ADAR: variants seen among roughly 807,000 people sequenced by gnomAD.
ADAR encodes the protein double-stranded RNA-specific adenosine deaminase.
A neutral mutation model predicts 113.2 loss-of-function variants in ADAR; 41 were observed. That is an observed-to-expected ratio of 0.36 (90% confidence interval 0.28 to 0.47). The LOEUF (loss-of-function observed/expected upper bound fraction) is 0.47, where lower values mean the gene tolerates loss of function less well. Ranked by LOEUF, ADAR falls within the 20% of genes least tolerant of loss-of-function variation. The probability of loss-of-function intolerance (pLI) is 1.00; values close to 1 mark genes in which losing one functional copy is unlikely to be tolerated. For synonymous variants in ADAR, 605 were observed against 572.6 expected (o/e 1.06, Z -0.81); for missense variants, 1,242 against 1,540.9 (o/e 0.81, Z 3.25).
At chr1:154,619,092 AGAGT>A (rs1268320893) in intron 1 of ADAR, among the ~76,000 whole-genome samples, 1 of 152,182 alleles carries the variant, frequency 6.6e-6, no homozygotes, top group Non-Finnish European at 1.5e-5. Flanking sequence ...CCTGGGCAAC[AGAGT>A]GAGACTCCAT....
chr1:154,593,117 AGAGT>A (rs1452413427), intron 6 of ADAR, among the ~76,000 whole-genome samples: 3 of 118,208 alleles, frequency 2.5e-5, no homozygotes, highest in Non-Finnish European at 3.3e-5. Context: ...CCTGGGTGAC[AGAGT>A]GAGACTCCAT....
chr1:154,627,830 A>G (rs758254972), intron 1 of ADAR: 30 of 516,878 alleles, frequency 5.8e-5, no homozygotes, highest in Non-Finnish European at 1.0e-4. Flanking sequence ...AGGCAGGTGT[A>G]GCCGAGAAGG....
In ADAR at chr1:154,597,821, G is replaced by A. The variant is rs370700588; in HGVS notation, c.1934+7C>T. ...CCTCAGCTGGACAGAGGACACGTAG[G>A]ACATACTTGGGTTCATGGGCAGGGC... On this transcript the variant is annotated splice_region_variant and intron_variant, in intron 4 of 14. Coordinates refer to ENST00000368474, the MANE Select transcript of ADAR (RefSeq NM_001111.5). 1.9e-6 allele frequency: 3 copies of A among 1,614,006 alleles called. No individual in the cohort carries two copies. The African/African-American group carries it at 4.0e-5, about 22-fold the overall frequency.
intron 11 of ADAR, among the ~76,000 whole-genome samples, chr1:154,587,111 CCTT>C (rs933644190): frequency 3.9e-5 from 6 of 152,192 alleles, no homozygotes; most frequent in Non-Finnish European, 5.9e-5. Context: ...CAAAAAGAAA[CCTT>C]CTACCCATTG....
chr1:154,592,659 A>T (rs1697222722), intron 6 of ADAR, among the ~76,000 whole-genome samples: 1 of 152,144 alleles, frequency 6.6e-6, no homozygotes, highest in Non-Finnish European at 1.5e-5. Context: ...GACTTGAGCC[A>T]CTGGGTAGAC....
rs1064796761 is a variant in ADAR at position 154,584,910 on chromosome 1, C to T, written c.3577G>A (p.Glu1193Lys). ...GEAKKAARDY[E>K]TAKNYFKKGL... is the part of the protein sequence containing the mutation. ...TTTTTGAAGTAGTTCTTGGCCGTCT[C>T]GTAGTCACGGGCAGCTTTCTTGGCC... is the stretch of plus-strand genomic sequence containing the variant. The change falls in exon 15 of 15, where the codon GAG (glutamate) becomes AAG (lysine). Residue 1193 changes from glutamate to lysine, a missense_variant. Glu to Lys is a moderately conservative substitution (Grantham distance 56). This residue lies in a region of ADAR where 780 missense variants were observed against 1,057.9 expected (regional missense o/e 0.74). Transcript: ENST00000368474. The T allele has an allele frequency of 6.2e-7, 1 of 1,614,164 alleles. No homozygotes were observed. Among genetic ancestry groups the T allele is most frequent in the Non-Finnish European group, 8.5e-7 (1 of 1,180,038 alleles).
At chr1:154,586,121 G>A in intron 12 of ADAR, 60 bp downstream of exon 12, 1 of 1,600,256 alleles carries the variant, frequency 6.2e-7, no homozygotes, top group Non-Finnish European at 8.6e-7. Context: ...AAAGCATGCA[G>A]TTTGGGATCT....
intron 1 of ADAR, among the ~76,000 whole-genome samples, chr1:154,606,987 G>T (rs1038038260): frequency 6.7e-6 from 1 of 150,322 alleles, no homozygotes. Context: ...ATATAATTTA[G>T]ATACAGTAAA....
intron 1 of ADAR, among the ~76,000 whole-genome samples, chr1:154,615,823 A>G (rs1698619671): frequency 6.6e-6 from 1 of 152,192 alleles, no homozygotes; most frequent in Non-Finnish European, 1.5e-5. Context: ...CCATTAATTT[A>G]TATTTTTAAA....
At chr1:154,590,154 A>AG in intron 7 of ADAR, 30 bp downstream of exon 7, 1 of 897,036 alleles carries the variant, frequency 1.1e-6, no homozygotes, top group Non-Finnish European at 1.7e-6. Flanking sequence ...CCCCCGCCCC[A>AG]AAAAAGGCAC....
intron 2 of ADAR, 57 bp from the exon 3 acceptor site, chr1:154,598,642 C>T: frequency 6.3e-7 from 1 of 1,577,816 alleles, no homozygotes; most frequent in Non-Finnish European, 8.7e-7. Context: ...CTTCTGCCTT[C>T]TCCAAAGAGA....
chr1:154,600,599 G>C (rs1249600757), intron 2 of ADAR: 5 of 228,754 alleles, frequency 2.2e-5, no homozygotes, highest in Non-Finnish European at 3.5e-5. Context: ...TCAGCTTCCT[G>C]AGTAGCTGGG....
intron 2 of ADAR, among the ~76,000 whole-genome samples, chr1:154,598,984 A>G (rs1278913674): frequency 6.6e-6 from 1 of 152,220 alleles, no homozygotes; most frequent in African/African-American, 2.4e-5. Flanking sequence ...GGCCTCCTCA[A>G]GGGAGGGTCC....
chr1:154,608,492 CTTTTTT>C (rs67463447), upstream of ADAR, among the ~76,000 whole-genome samples: 241 of 65,768 alleles, frequency 3.7e-3, 2 homozygotes, highest in African/African-American at 0.013. Flanking sequence ...TCACTCCTGG[CTTTTTT>C]TTTTTTTTTT....
Position 154,614,973 on chromosome 1 carries a change from C to T in ADAR, c.-870-12347G>A, listed in dbSNP as rs549826412. On this transcript the variant is annotated intron_variant, in intron 1 of 14. Transcript: ENST00000368471. The stretch of plus-strand genomic sequence containing the variant: ...CCACCTACACACACAGAGGAAAAGG[C>T]CATGTGAAGACAGAGTAGAGAATGA... Among the ~76,000 whole-genome samples the T allele has an allele frequency of 5.9e-4, 90 of 152,312 alleles. No homozygotes were observed. The South Asian group carries it at 0.012, about 21-fold the overall frequency.
intron 2 of ADAR, among the ~76,000 whole-genome samples, chr1:154,599,051 G>T (rs749067832): frequency 6.6e-6 from 1 of 152,196 alleles, no homozygotes; most frequent in African/African-American, 2.4e-5. Context: ...TACCTAGGGG[G>T]ATCAGGCATC....
At position 154,589,841 on chromosome 1, in the gene ADAR, A is replaced by C. The variant is rs776268194; in HGVS notation, c.2584T>G (p.Ser862Ala). The C allele has an allele frequency of 2.5e-6, 4 of 1,613,984 alleles. No individual in the cohort carries two copies. The Admixed American group carries it at 6.7e-5, about 27-fold the overall frequency. The change falls in exon 8 of 15, where the codon TCC (serine) becomes GCC (alanine). Residue 862 changes from serine to alanine, a missense_variant. Ser to Ala is a moderately conservative substitution (Grantham distance 99). Transcript: ENST00000368474. ...FNTLTNSFQP[S>A]LLGRKILAAI... ...GCCAGAATCTTGCGGCCGAGCAAGG[A>C]GGGCTGGAAGCTGTTAGTCAGAGTG...
At position 154,593,405 on chromosome 1, in the gene ADAR, T is replaced by C. The variant is rs116759528; in HGVS notation, c.2271-2996A>G. On this transcript the variant is annotated intron_variant, in intron 6 of 14. Coordinates refer to ENST00000368474, the MANE Select transcript of ADAR (RefSeq NM_001111.5). ...ATTCACCTCCAATGGCACATTTCAA[T>C]ACTGCTATGGCTATATGTCTGCTAC... Among the ~76,000 whole-genome samples the C allele has an allele frequency of 8.7e-3, 1,328 of 152,332 alleles. 22 individuals carry two copies. Among genetic ancestry groups the C allele is most frequent in the African/African-American group, 0.03 (1,263 of 41,568 alleles).
chr1:154,601,242 C>T lies in ADAR; in HGVS notation c.1400G>A (p.Arg467His), dbSNP rs192121167. ...DDIPDDLNSI[R>H]AAPGEFRAIM... ...GGCTCGAAACTCACCTGGTGCTGCG[C>T]GGATACTATTCAAGTCATCTGGGAT... Residue 467 changes from arginine (R) to histidine (H), a missense_variant, in exon 2 of 15, where the codon CGC becomes CAC. Coordinates refer to ENST00000368474, the MANE Select transcript of ADAR (RefSeq NM_001111.5). This position sits in a 1 kb window ranked among gnomAD's most constrained non-coding sequence, Gnocchi z 4.7. 91 of 1,614,204 alleles carry T rather than the reference C, an allele frequency of 5.6e-5. No homozygotes were observed. The highest frequency in any genetic ancestry group is 6.7e-5 in the African/African-American group (5 of 75,036).
Sources: gnomAD v4.1 joint callset for allele counts (sites outside exome capture counted in the v4.1 genomes callset) on GRCh38, gnomAD v4.1.1 for gene constraint, gnomAD v4.1.1 regional missense constraint, Gnocchi (gnomAD v3.1) non-coding constraint, MANE v1.5 for transcripts, NCBI Gene and HGNC (gene_info 2026-07-23, HGNC 2026-07-21) for gene names.